CRIM1: variants seen among roughly 807,000 people sequenced by gnomAD.
CRIM1 encodes the protein cysteine-rich motor neuron 1 protein.
A neutral mutation model predicts 116.4 loss-of-function variants in CRIM1; 32 were observed. The ratio of observed to expected loss-of-function variants is 0.27; its 90% CI spans 0.21 to 0.37. The LOEUF (loss-of-function observed/expected upper bound fraction) is 0.37. Among genes scored for constraint, CRIM1 ranks in the 10% least tolerant of loss-of-function variants. CRIM1 has a pLI of 1.00. For missense variants in CRIM1, 1,331 were observed against 1,354.8 expected (o/e 0.98, Z 0.28); for synonymous variants, 590 against 509.2 (o/e 1.16, Z -2.13).
In CRIM1 at chr2:36,405,372, T is replaced by C. The variant is rs532584986; in HGVS notation, c.505+8585T>C. ...AAGAAACCTGCTGCCATTGCATAAG[T>C]ACAGGGAAGACAGAGGCTCCCAGCT... On this transcript the variant is annotated intron_variant, in intron 2 of 16. Transcript: ENST00000280527. Among the ~76,000 whole-genome samples the C allele has an allele frequency of 2.0e-5, 3 of 152,242 alleles. No individual in the cohort carries two copies. In the East Asian group the frequency reaches 5.8e-4, roughly 29 times the overall value.
chr2:36,360,755 C>T (rs983951965), intron 1 of CRIM1, among the ~76,000 whole-genome samples: 1 of 152,136 alleles, frequency 6.6e-6, no homozygotes, highest in African/African-American at 2.4e-5. Flanking sequence ...GGAAACTACT[C>T]TCACCACTCT....
At position 36,518,419 on chromosome 2, in the gene CRIM1, CT is replaced by C. The variant is rs576984436; in HGVS notation, c.2206+885del. Among the ~76,000 whole-genome samples the C allele has an allele frequency of 1.1e-3, 171 of 152,018 alleles. 1 individual carries two copies. The highest frequency in any genetic ancestry group is 4.0e-3 in the African/African-American group (167 of 41,478). ...CATAAACCCTTGTATTTTATTACTT[CT>C]TTTTTTTAACATTGGATTATCTAGT... On this transcript the variant is annotated intron_variant, in intron 12 of 16. Transcript: ENST00000280527.
intron 2 of CRIM1, among the ~76,000 whole-genome samples, chr2:36,416,209 A>ATAAT (rs71396489): frequency 6.7e-6 from 1 of 149,864 alleles, no homozygotes; most frequent in Non-Finnish European, 1.5e-5. Flanking sequence ...TTTTGTCTCA[A>ATAAT]AATAATAATA....
At chr2:36,361,993 TC>T (rs759020596) in intron 1 of CRIM1, among the ~76,000 whole-genome samples, 17 of 152,132 alleles carry the variant, frequency 1.1e-4, no homozygotes, top group Non-Finnish European at 2.1e-4. Flanking sequence ...TGCATGGAAA[TC>T]AGTCATTCAT....
chr2:36,489,685 C>T (rs1404885700), intron 7 of CRIM1, among the ~76,000 whole-genome samples: 1 of 152,128 alleles, frequency 6.6e-6, no homozygotes, highest in Non-Finnish European at 1.5e-5. Context: ...AGAAATAGGT[C>T]TTCTGTGTCT....
chr2:36,429,109 C>T (rs2124892437), intron 2 of CRIM1, among the ~76,000 whole-genome samples: 1 of 152,312 alleles, frequency 6.6e-6, no homozygotes, highest in South Asian at 2.1e-4. Flanking sequence ...CTGAAAGGAA[C>T]TTAGGTCCCT....
rs115962254 is a variant in CRIM1, at chr2:36,526,502, T to G, written c.2428+4189T>G. ...AAACCTTGCCAGAGCAAAAATTATT[T>G]CAGTGCTTTCAGTGAAGTCTTTATT... On this transcript the variant is annotated intron_variant, in intron 13 of 16. Transcript: ENST00000280527. Among the ~76,000 whole-genome samples, 754 of 152,304 alleles carry G rather than the reference T, an allele frequency of 5.0e-3. 10 individuals are homozygous for G. Among genetic ancestry groups the G allele is most frequent in the African/African-American group, 0.017 (725 of 41,564 alleles).
At chr2:36,416,298 T>C (rs1673616532) in intron 2 of CRIM1, among the ~76,000 whole-genome samples, 1 of 152,138 alleles carries the variant, frequency 6.6e-6, no homozygotes, top group Non-Finnish European at 1.5e-5. Context: ...AATGGGACTT[T>C]ATTGCCATTG....
At chr2:36,446,715 C>T (rs1281688989) in intron 4 of CRIM1, among the ~76,000 whole-genome samples, 1 of 151,462 alleles carries the variant, frequency 6.6e-6, no homozygotes, top group Non-Finnish European at 1.5e-5. Context: ...GGCATGAAGA[C>T]ATGATATGAG....
Position 36,548,559 on chromosome 2 carries a change from A to T in CRIM1, c.2969A>T (p.Asp990Val). The change falls in exon 17 of 17, where the codon GAC becomes GTC. Residue 990 changes from aspartate (D) to valine (V), a missense_variant. Around this residue, in one of 3 missense-constraint regions of CRIM1, gnomAD observed 283 missense variants for 242.8 expected, o/e 1.17. Coordinates refer to ENST00000280527, the MANE Select transcript of CRIM1 (RefSeq NM_016441.3). ...SSLNNQLVSV[D>V]CKKGTRVQVD... is the part of the protein sequence containing the mutation. ...TTAAATAATCAGCTAGTATCTGTGG[A>T]CTGCAAGAAAGGAACCAGAGTCCAG... 6.3e-7 allele frequency: 1 copy of T among 1,596,736 alleles called. No homozygotes were observed. The highest frequency in any genetic ancestry group is 8.5e-7 in the Non-Finnish European group (1 of 1,175,150).
At position 36,478,838 on chromosome 2, in the gene CRIM1, C is replaced by CTT. The variant is rs3836078; in HGVS notation, c.1175-648_1175-647dup. On this transcript the variant is annotated intron_variant, in intron 6 of 16. Coordinates refer to ENST00000280527, the MANE Select transcript of CRIM1 (RefSeq NM_016441.3). ...ATATACTTGTCAGTAACCTCAGAAACTTTTTTTTTTTTACAGTAGCTTTGG... is the reference window on the plus strand; with the variant it reads ...ATATACTTGTCAGTAACCTCAGAAACTTTTTTTTTTTTTTACAGTAGCTTTGG... 9.5e-3 allele frequency among the ~76,000 whole-genome samples: 1,417 copies of CTT among 149,142 alleles called. 20 individuals carry two copies. The highest frequency in any genetic ancestry group is 0.033 in the African/African-American group (1,367 of 40,818).
intron 7 of CRIM1, among the ~76,000 whole-genome samples, chr2:36,489,569 A>T (rs1409175313): frequency 6.6e-6 from 1 of 152,198 alleles, no homozygotes; most frequent in Non-Finnish European, 1.5e-5. Flanking sequence ...AGGAGCCCCT[A>T]CAATTCTTGT....
chr2:36,411,986 A>T (rs149565403), intron 2 of CRIM1, among the ~76,000 whole-genome samples: 1 of 152,190 alleles, frequency 6.6e-6, no homozygotes, highest in Admixed American at 6.5e-5. Flanking sequence ...TGTGTTGTCT[A>T]TCTGCTTCCC....
chr2:36,466,474 T>G (rs1227974162), intron 5 of CRIM1, among the ~76,000 whole-genome samples: 2 of 152,198 alleles, frequency 1.3e-5, no homozygotes, highest in African/African-American at 2.4e-5. Flanking sequence ...TAGGTGAGAT[T>G]CTGTGAATAC....
At chr2:36,456,829 A>AT (rs1181230779) in intron 4 of CRIM1, among the ~76,000 whole-genome samples, 2,207 of 142,446 alleles carry the variant, frequency 0.015, 17 homozygotes, top group African/African-American at 0.025. Flanking sequence ...ACTAACCCTG[A>AT]TTTTTTTTTT....
intron 5 of CRIM1, among the ~76,000 whole-genome samples, chr2:36,468,095 C>G (rs1678191101): frequency 6.6e-6 from 1 of 152,166 alleles, no homozygotes; most frequent in African/African-American, 2.4e-5. Context: ...GCAAACTGCC[C>G]AACCATGGTG....
chr2:36,399,889 A>G (rs1364367912), intron 2 of CRIM1, among the ~76,000 whole-genome samples: 1 of 152,218 alleles, frequency 6.6e-6, no homozygotes, highest in East Asian at 1.9e-4. Context: ...TTTAAAGGAG[A>G]GGACAAATGA....
intron 1 of CRIM1, among the ~76,000 whole-genome samples, chr2:36,362,114 GAAAT>G (rs1401313085): frequency 1.3e-5 from 2 of 151,960 alleles, no homozygotes; most frequent in African/African-American, 4.8e-5. Context: ...ATCAAGATAA[GAAAT>G]AAAGACAGCA....
chr2:36,534,541 A>G, intron 13 of CRIM1, among the ~76,000 whole-genome samples: 1 of 122,964 alleles, frequency 8.1e-6, no homozygotes, highest in Non-Finnish European at 1.7e-5. Flanking sequence ...GAGAGGAAGG[A>G]AGGGAGAGAG....
Sources: allele counts gnomAD v4.1 joint callset (sites outside exome capture counted in the v4.1 genomes callset), GRCh38; gene constraint gnomAD v4.1.1; regional missense constraint gnomAD v4.1.1; transcripts MANE v1.5; gene names NCBI Gene and HGNC (gene_info 2026-07-23, HGNC 2026-07-21).